The following BRSK1 variants were observed in gnomAD, a reference collection of about 807,000 sequenced individuals.
BRSK1 encodes BR serine/threonine kinase 1, also known as serine/threonine-protein kinase BRSK1.
In BRSK1, 17 loss-of-function variants were observed where a neutral mutation model predicts 86.2. That is an observed-to-expected ratio of 0.20 (90% CI 0.14 to 0.30). The LOEUF is 0.30. BRSK1 is among the 10% of genes least tolerant of loss of function. The pLI is 1.00. For synonymous variants in BRSK1, 464 were observed against 440.1 expected, an observed-to-expected ratio of 1.05 and a Z score of -0.68; for missense variants, 719 against 1,071.9, an observed-to-expected ratio of 0.67 and a Z score of 4.60.
Position 55,284,335 on chromosome 19 carries a change from CAGCCGGGGG to C in BRSK1, c.-107_-99del. On this transcript the variant is annotated 5_prime_UTR_variant, in exon 1 of 19. Transcript: ENST00000309383. ...TGGGGACCCCCGGAGAGGTGGGGGG[CAGCCGGGGG>C]GGCCGGGACGGAGCGGTCGCCGGCC... is the stretch of plus-strand genomic sequence containing the variant. 1.1e-6 allele frequency: 1 copy of C among 887,118 alleles called. No individual in the cohort carries two copies. The allele number at this position is 887,118 out of a possible 1,614,324, so 55.0% of individuals were successfully genotyped here.
At position 55,294,647 on chromosome 19, in the gene BRSK1, G is replaced by A. The variant is rs2122954522; in HGVS notation, c.678+250G>A. On this transcript the variant is annotated intron_variant, in intron 7 of 18. Transcript: ENST00000309383. This position sits in a 1 kb window ranked among gnomAD's most constrained non-coding sequence, Gnocchi z 4.9. ...CTCCCAAGTAGCTGGGATTGCAGGCGCCCACCACCACTTCCAGATAATTTT... is the reference window on the plus strand; with the variant it reads ...CTCCCAAGTAGCTGGGATTGCAGGCACCCACCACCACTTCCAGATAATTTT... Among the ~76,000 whole-genome samples, 1 of 150,944 alleles carries A rather than the reference G, an allele frequency of 6.6e-6. No homozygotes were observed. The highest frequency in any genetic ancestry group is 2.0e-4 in the East Asian group (1 of 5,112).
intron 8 of BRSK1, 39 bp downstream of exon 8, chr19:55,301,697 G>A: frequency 1.9e-6 from 3 of 1,598,464 alleles, no homozygotes; most frequent in Non-Finnish European, 2.6e-6. Flanking sequence ...GGGAACAGTG[G>A]CCGATGAAGA....
chr19:55,297,614 C>T (rs113180275), intron 7 of BRSK1, among the ~76,000 whole-genome samples: 14 of 151,824 alleles, frequency 9.2e-5, no homozygotes, highest in African/African-American at 2.4e-4. Context: ...GCTCTGGAGA[C>T]GAGCTAAGAA....
chr19:55,304,231 G>A lies in BRSK1; in HGVS notation c.1347+121G>A. 9.1e-7 allele frequency: 1 copy of A among 1,103,912 alleles called. No individual in the cohort carries two copies. Among genetic ancestry groups the A allele is most frequent in the Non-Finnish European group, 1.3e-6 (1 of 781,668 alleles). The allele number at this position is 1,103,912 out of a possible 1,614,324, so 68.4% of individuals were successfully genotyped here. ...TGAGACTTGCTTCTTTGTCCCTGGA[G>A]GGCCAAAGACCCAAGGCCTCCAAAG... On this transcript the variant is annotated intron_variant, in intron 13 of 18. Transcript: ENST00000309383. This position sits in a 1 kb window ranked among gnomAD's most constrained non-coding sequence, Gnocchi z 5.2.
chr19:55,302,895 G>C lies in BRSK1; in HGVS notation c.1028+28G>C. The stretch of plus-strand genomic sequence containing the variant: ...AAGACCCCAAGACCCCTGCACCCGT[G>C]TACCCACGTGGGGCGAGCTGCAGCA... On this transcript the variant is annotated intron_variant, in intron 10 of 18. Transcript: ENST00000309383. This position sits in a 1 kb window ranked among gnomAD's most constrained non-coding sequence, Gnocchi z 6.3. 1 of 1,597,820 alleles carries C rather than the reference G, an allele frequency of 6.3e-7. No individual in the cohort carries two copies. The highest frequency in any genetic ancestry group is 8.6e-7 in the Non-Finnish European group (1 of 1,168,410).
At chr19:55,286,964 G>T (rs777074456) in intron 1 of BRSK1, 43 bp from the exon 2 acceptor site, 4 of 1,597,892 alleles carry the variant, frequency 2.5e-6, no homozygotes, top group South Asian at 2.2e-5. Context: ...GGGGACGAAG[G>T]GGACCCGGCG....
intron 18 of BRSK1, among the ~76,000 whole-genome samples, chr19:55,309,742 G>T (rs182478450): frequency 6.6e-6 from 1 of 152,356 alleles, no homozygotes; most frequent in East Asian, 1.9e-4. Flanking sequence ...GCAGTGTTCA[G>T]TAGAGAGCAT....
rs571494926 is a variant in BRSK1 at position 55,303,837 on chromosome 19, C to G, written c.1286+11C>G. 6.4e-7 allele frequency: 1 copy of G among 1,559,522 alleles called. No homozygotes were observed. The highest frequency in any genetic ancestry group is 1.4e-5 in the African/African-American group (1 of 73,168). On this transcript the variant is annotated intron_variant, in intron 12 of 18. Coordinates refer to ENST00000309383, the MANE Select transcript of BRSK1 (RefSeq NM_032430.2). The surrounding 1 kb of genome is among the most constrained non-coding windows in gnomAD (Gnocchi z 5.1). ...CCAGCACAGCCAGAGGTGGGAGCCC[C>G]TGTCCCTCCAGGAGGATCCACAATC...
At position 55,308,657 on chromosome 19, in the gene BRSK1, A is replaced by G. The variant is rs377342100; in HGVS notation, c.2108A>G (p.Lys703Arg). 7.9e-5 allele frequency: 126 copies of G among 1,604,510 alleles called. No homozygotes were observed. Among genetic ancestry groups the G allele is most frequent in the Non-Finnish European group, 1.0e-4 (120 of 1,175,272 alleles). The stretch of plus-strand genomic sequence containing the variant: ...CCTCTAGGTCCCAGCCGTCGGTTCA[A>G]GCGAGTGGTGGAGACCATCCAGGCA... Reference protein sequence around the residue: ...TLISGPSRRFKRVVETIQAQL... With the variant: ...TLISGPSRRFRRVVETIQAQL... The change falls in exon 18 of 19, where the codon AAG becomes AGG. Residue 703 changes from lysine (K) to arginine (R), a missense_variant. This residue lies in a region of BRSK1 where 180 missense variants were observed against 259.4 expected (regional missense o/e 0.69). Transcript: ENST00000309383.
chr19:55,301,357 C>G (rs2088566973), intron 7 of BRSK1, among the ~76,000 whole-genome samples, 155 bp from the exon 8 acceptor site: 1 of 152,192 alleles, frequency 6.6e-6, no homozygotes, highest in African/African-American at 2.4e-5. Context: ...GCCTGCTGTG[C>G]CACGGACGAG....
In BRSK1 at chr19:55,310,957, C is replaced by T. The variant is rs796107265; in HGVS notation, c.2180-954C>T. 1.1e-4 allele frequency among the ~76,000 whole-genome samples: 17 copies of T among 152,118 alleles called. No individual in the cohort carries two copies. The highest frequency in any genetic ancestry group is 4.1e-4 in the African/African-American group (17 of 41,522). On this transcript the variant is annotated intron_variant, in intron 18 of 18. Transcript: ENST00000309383. This position sits in a 1 kb window ranked among gnomAD's most constrained non-coding sequence, Gnocchi z 5.0. The stretch of plus-strand genomic sequence containing the variant: ...ACCGTGGTTGCTATGACAAGCCCCC[C>T]AGTTTTTGTTTTTGTTTTTTTGAGA...
intron 17 of BRSK1, 149 bp from the exon 18 acceptor site, chr19:55,308,490 T>G: frequency 1.6e-6 from 1 of 638,406 alleles, no homozygotes; most frequent in Non-Finnish European, 3.0e-6. Context: ...TTGCAAACCG[T>G]GGATTGATGT....
At position 55,307,997 on chromosome 19, in the gene BRSK1, C is replaced by CT. The variant is rs200651333; in HGVS notation, c.2090-633dup. ...AAAAGACTTTCTCCGATTTCTTTTT[C>CT]TTTTTTTTTGTTGTTGTTGTTGTTT... is the stretch of plus-strand genomic sequence containing the variant. On this transcript the variant is annotated intron_variant, in intron 17 of 18. Coordinates refer to ENST00000309383, the MANE Select transcript of BRSK1 (RefSeq NM_032430.2). 5.3e-3 allele frequency among the ~76,000 whole-genome samples: 776 copies of CT among 146,436 alleles called. 4 individuals are homozygous for CT. Among genetic ancestry groups the CT allele is most frequent in the African/African-American group, 0.018 (703 of 39,426 alleles).
At chr19:55,307,778 ACACACAC>A (rs2088679611) in intron 17 of BRSK1, among the ~76,000 whole-genome samples, 4 of 134,978 alleles carry the variant, frequency 3.0e-5, no homozygotes, top group Non-Finnish European at 4.7e-5. Context: ...ACACACACAC[ACACACAC>A]ACAATTTAAA....
intron 18 of BRSK1, among the ~76,000 whole-genome samples, chr19:55,311,304 G>A (rs572531600): frequency 6.6e-6 from 1 of 152,220 alleles, no homozygotes; most frequent in South Asian, 2.1e-4. Flanking sequence ...TCCGCCACGG[G>A]ACCTCAGGTA....
In BRSK1 at chr19:55,305,337, G is replaced by C; in HGVS notation, c.1734G>C (p.Glu578Asp). ...RRKMQVPTAEEMSSLTPESSP... is the reference protein window; with the variant it reads ...RRKMQVPTAEDMSSLTPESSP... ...CCCTACCAGTCCCTACCGCTGAGGA[G>C]ATGTCCAGCTTGACGCCAGAGTCCT... Residue 578 changes from glutamate (E) to aspartate (D), a missense_variant, in exon 15 of 19, where the codon GAG (glutamate) becomes GAC (aspartate). By Grantham distance (45) the Glu-to-Asp change is conservative. Coordinates refer to ENST00000309383, the MANE Select transcript of BRSK1 (RefSeq NM_032430.2). 1.2e-6 allele frequency: 2 copies of C among 1,614,162 alleles called. No individual in the cohort carries two copies. Among genetic ancestry groups the C allele is most frequent in the Non-Finnish European group, 1.7e-6 (2 of 1,180,016 alleles).
chr19:55,285,041 G>A (rs1347471348), intron 1 of BRSK1, among the ~76,000 whole-genome samples: 1 of 149,424 alleles, frequency 6.7e-6, no homozygotes, highest in South Asian at 2.1e-4. Context: ...GGGGCTGGGG[G>A]TCTGGACTTC....
intron 3 of BRSK1, 143 bp from the exon 4 acceptor site, chr19:55,289,337 A>T (rs1335503935): frequency 1.5e-5 from 14 of 915,148 alleles, no homozygotes; most frequent in Non-Finnish European, 2.1e-5. Flanking sequence ...CCTCCCAGGG[A>T]CCCATGGGAA....
rs778612742 is a variant in BRSK1, at chr19:55,308,622, C to T, written c.2090-17C>T. ...TGGACCCCCAGTCAGTGTTTTTCTG[C>T]CCGCCTGTGCCTCTAGGTCCCAGCC... On this transcript the variant is annotated splice_polypyrimidine_tract_variant and intron_variant, in intron 17 of 18. Coordinates refer to ENST00000309383, the MANE Select transcript of BRSK1 (RefSeq NM_032430.2). The T allele has an allele frequency of 5.0e-6, 8 of 1,605,788 alleles. No individual in the cohort carries two copies. The highest frequency in any genetic ancestry group is 6.8e-6 in the Non-Finnish European group (8 of 1,174,534).
Sources: gnomAD v4.1 joint callset for allele counts (sites outside exome capture counted in the v4.1 genomes callset) on GRCh38, gnomAD v4.1.1 for gene constraint, gnomAD v4.1.1 regional missense constraint, Gnocchi (gnomAD v3.1) non-coding constraint, MANE v1.5 for transcripts, NCBI Gene and HGNC (gene_info 2026-07-23, HGNC 2026-07-21) for gene names.